SIPA1L1: variants seen among roughly 807,000 people sequenced by gnomAD.
SIPA1L1 encodes signal induced proliferation associated 1 like 1.
SIPA1L1 carries 26 observed loss-of-function variants against 162.7 expected under a neutral mutation model. That is an observed-to-expected ratio of 0.16 (90% CI 0.12 to 0.22). The LOEUF (loss-of-function observed/expected upper bound fraction) is 0.22, where lower values mean the gene tolerates loss of function less well. Ranked by LOEUF, SIPA1L1 falls within the 10% of genes least tolerant of loss-of-function variation. SIPA1L1 has a pLI of 1.00. For missense variants in SIPA1L1, 1,874 were observed against 2,241.0 expected (o/e 0.84, Z 3.31); for synonymous variants, 829 against 837.4 (o/e 0.99, Z 0.17).
In SIPA1L1 at chr14:71,467,853, A is replaced by T. The variant is rs913368623; in HGVS notation, c.-464-44890A>T. ...AAACATAACTAGACCCCCATCTCTT[A>T]AAAAAAAAAAAAAAAAGAAAGAAAA... On this transcript the variant is annotated intron_variant, in intron 2 of 23. Transcript: ENST00000381232. Among the ~76,000 whole-genome samples, 5 of 39,046 alleles carry T rather than the reference A, an allele frequency of 1.3e-4. No individual in the cohort carries two copies. In the South Asian group the frequency reaches 4.7e-3, roughly 36 times the overall value. The allele number at this position is 39,046 out of a possible 152,430, so 25.6% of individuals were successfully genotyped here.
intron 5 of SIPA1L1, among the ~76,000 whole-genome samples, chr14:71,617,928 G>A (rs1036227101): frequency 3.3e-5 from 5 of 152,130 alleles, no homozygotes; most frequent in Non-Finnish European, 5.9e-5. Context: ...TGTATCAACA[G>A]TTTAAATTTT....
chr14:71,541,712 G>A (rs1237142575), intron 4 of SIPA1L1, among the ~76,000 whole-genome samples: 1 of 152,136 alleles, frequency 6.6e-6, no homozygotes, highest in Non-Finnish European at 1.5e-5. Context: ...GGTCAAGGCT[G>A]CAGTGAGCTA....
rs2056838239 is a variant in SIPA1L1, at chr14:71,562,039, T to G, written c.-302-25532T>G. On this transcript the variant is annotated intron_variant, in intron 4 of 23. Transcript: ENST00000381232. ...GTAGAATATTTGTTAGCCATAGACG[T>G]CACCTCACAAAGATCTATTAATATT... Among the ~76,000 whole-genome samples, 4 of 152,130 alleles carry G rather than the reference T, an allele frequency of 2.6e-5. No homozygotes were observed. The South Asian group carries it at 8.3e-4, about 31-fold the overall frequency.
chr14:71,724,792 T>C lies in SIPA1L1; in HGVS notation c.4571T>C (p.Ile1524Thr), dbSNP rs2084073733. The change falls in exon 19 of 24, where the codon ATT becomes ACT. Residue 1524 changes from isoleucine to threonine, a missense_variant. Transcript: ENST00000381232. ...ATTGAAGAAGATCTAAAGAAACTAA[T>C]TGATCTTGAAAGCCCAACTCCTGAA... ...STIEEDLKKL[I>T]DLESPTPESQ... is the part of the protein sequence containing the mutation. The C allele has an allele frequency of 6.2e-6, 10 of 1,614,194 alleles. No homozygotes were observed. Among genetic ancestry groups the C allele is most frequent in the Non-Finnish European group, 8.5e-6 (10 of 1,180,030 alleles).
intron 2 of SIPA1L1, chr14:71,448,832 C>T (rs1336386961): frequency 3.3e-5 from 5 of 152,332 alleles, no homozygotes; most frequent in African/African-American, 9.7e-5. Context: ...AGTGGGGGAC[C>T]ACCAGATTGC....
chr14:71,386,970 C>T (rs1234912770), intron 2 of SIPA1L1, among the ~76,000 whole-genome samples: 8 of 152,068 alleles, frequency 5.3e-5, no homozygotes, highest in Non-Finnish European at 1.0e-4. Context: ...AGACTGTGGC[C>T]GGGCGCAGTG....
At chr14:71,675,811 G>A (rs2045103347) in intron 12 of SIPA1L1, among the ~76,000 whole-genome samples, 1 of 152,118 alleles carries the variant, frequency 6.6e-6, no homozygotes, top group Non-Finnish European at 1.5e-5. Context: ...GACCCAGAGA[G>A]GGACACAAGC....
At position 71,356,567 on chromosome 14, in the gene SIPA1L1, C is replaced by CCAAAAAAAAAAAAAAAAA. The variant is rs777415215; in HGVS notation, c.-465+35386_-465+35387insCAAAAAAAAAAAAAAAAA. Among the ~76,000 whole-genome samples, 121 of 39,156 alleles carry CCAAAAAAAAAAAAAAAAA rather than the reference C, an allele frequency of 3.1e-3. 11 individuals carry two copies. The highest frequency in any genetic ancestry group is 0.012 in the African/African-American group (114 of 9,162). The allele number at this position is 39,156 out of a possible 152,430, so 25.7% of individuals were successfully genotyped here. On this transcript the variant is annotated intron_variant, in intron 2 of 23. Transcript: ENST00000381232. ...GCAACATAGCAAGACCTTGTCTCTA[C>CCAAAAAAAAAAAAAAAAA]AAAAAAAAAAAAAAAAAAAAGCACA...
At chr14:71,579,926 G>T (rs2033679097) in intron 4 of SIPA1L1, among the ~76,000 whole-genome samples, 1 of 152,106 alleles carries the variant, frequency 6.6e-6, no homozygotes, top group African/African-American at 2.4e-5. Context: ...CTACATACTT[G>T]TCTTCTTTTT....
At chr14:71,553,343 G>C (rs2056048352) in intron 4 of SIPA1L1, among the ~76,000 whole-genome samples, 1 of 152,156 alleles carries the variant, frequency 6.6e-6, no homozygotes, top group Admixed American at 6.5e-5. Flanking sequence ...GGGGGAATTT[G>C]TTCTTTCAGT....
chr14:71,362,649 C>T (rs2037919107), intron 2 of SIPA1L1, among the ~76,000 whole-genome samples: 1 of 152,124 alleles, frequency 6.6e-6, no homozygotes. Flanking sequence ...TTAATTATTT[C>T]CCCCTTTTCA....
At chr14:71,358,376 T>C (rs533591822) in intron 2 of SIPA1L1, among the ~76,000 whole-genome samples, 1 of 152,356 alleles carries the variant, frequency 6.6e-6, no homozygotes, top group African/African-American at 2.4e-5. Flanking sequence ...TTTAGTCCTC[T>C]GGGTTGTTTA....
rs376824898 is a variant in SIPA1L1 at position 71,330,507 on chromosome 14, A to G, written c.-465+9326A>G. 797 of 1,596,894 alleles carry G rather than the reference A, an allele frequency of 5.0e-4. 15 individuals carry two copies. In the South Asian group the frequency reaches 7.8e-3, roughly 16 times the overall value. ...GGTCCCCTTCCTGAAGTCCTGCTCT[A>G]TGTGCATCAGAGTCAGGAATCACCT... On this transcript the variant is annotated intron_variant, in intron 2 of 23. Coordinates refer to ENST00000381232, the MANE Select transcript of SIPA1L1 (RefSeq NM_001386936.1).
At chr14:71,420,303 A>G (rs2043089735) in intron 2 of SIPA1L1, among the ~76,000 whole-genome samples, 1 of 152,184 alleles carries the variant, frequency 6.6e-6, no homozygotes, top group African/African-American at 2.4e-5. Flanking sequence ...TAGTAGAAAT[A>G]TAGGTAAATG....
At chr14:71,559,105 T>C (rs1019170485) in intron 4 of SIPA1L1, among the ~76,000 whole-genome samples, 1 of 151,594 alleles carries the variant, frequency 6.6e-6, no homozygotes, top group African/African-American at 2.4e-5. Context: ...CACACTCTTA[T>C]CTCCCAGGCT....
chr14:71,431,012 GA>G (rs568121336), intron 2 of SIPA1L1, among the ~76,000 whole-genome samples: 55 of 151,686 alleles, frequency 3.6e-4, no homozygotes, highest in African/African-American at 1.2e-3. Context: ...GTTATTTAGG[GA>G]AAAAAAACTT....
chr14:71,484,280 T>A (rs1439320908), intron 2 of SIPA1L1, among the ~76,000 whole-genome samples: 1 of 151,888 alleles, frequency 6.6e-6, no homozygotes, highest in South Asian at 2.1e-4. Flanking sequence ...GACAGCTTTT[T>A]TTTTTTTTTT....
intron 4 of SIPA1L1, among the ~76,000 whole-genome samples, chr14:71,553,014 T>G (rs983939030): frequency 6.6e-6 from 1 of 152,128 alleles, no homozygotes; most frequent in Non-Finnish European, 1.5e-5. Context: ...TAGCGCCTCC[T>G]CAGTTCAGAT....
At chr14:71,727,452 T>A (rs868072415) in intron 19 of SIPA1L1, among the ~76,000 whole-genome samples, 187 of 148,714 alleles carry the variant, frequency 1.3e-3, no homozygotes, top group African/African-American at 3.7e-3. Context: ...TTTTTTTTTT[T>A]AAATCACACA....
Sources: allele counts gnomAD v4.1 joint callset (sites outside exome capture counted in the v4.1 genomes callset), GRCh38; gene constraint gnomAD v4.1.1; transcripts MANE v1.5; gene names NCBI Gene and HGNC (gene_info 2026-07-23, HGNC 2026-07-21).